The following SEC23A variants were observed in gnomAD, a reference collection of about 807,000 sequenced individuals.
SEC23A encodes protein transport protein Sec23A.
SEC23A carries 56 observed loss-of-function variants against 103.7 expected under a neutral mutation model. The observed-to-expected ratio is 0.54, with a 90% CI of 0.44 to 0.67. SEC23A has a LOEUF of 0.67. Ranked by LOEUF, SEC23A falls within the 30% of genes least tolerant of loss-of-function variation. SEC23A has a pLI of 0.00. For synonymous variants in SEC23A, 281 were observed against 293.0 expected (o/e 0.96, Z 0.42); for missense variants, 784 against 936.4 (o/e 0.84, Z 2.12).
chr14:39,064,631 G>A, intron 11 of SEC23A: 1 of 398,856 alleles, frequency 2.5e-6, no homozygotes, highest in African/African-American at 2.0e-5. Flanking sequence ...ATACCAATGG[G>A]AGCTGAACTA....
intron 18 of SEC23A, 104 bp from the exon 19 acceptor site, chr14:39,039,200 G>A (rs938610438): frequency 2.0e-5 from 18 of 921,658 alleles, no homozygotes; most frequent in Non-Finnish European, 2.4e-5. Flanking sequence ...GTATGTGTTG[G>A]TAAAATTAAT....
At chr14:39,095,049 G>A in intron 2 of SEC23A, 1 of 688,860 alleles carries the variant, frequency 1.5e-6, no homozygotes, top group Non-Finnish European at 2.6e-6. Context: ...AGGGAGAGCA[G>A]GTAGGAGGAT....
chr14:39,091,284 T>C, intron 5 of SEC23A, 193 bp downstream of exon 5: 2 of 597,724 alleles, frequency 3.3e-6, no homozygotes, highest in Non-Finnish European at 5.9e-6. Flanking sequence ...AAGTGAAGGG[T>C]GTTTAATCTG....
chr14:39,075,859 T>C, intron 8 of SEC23A, 76 bp downstream of exon 8: 1 of 1,262,482 alleles, frequency 7.9e-7, no homozygotes, highest in Non-Finnish European at 1.2e-6. Context: ...TATCAAAAAC[T>C]ATTTGTATTC....
Position 39,095,985 on chromosome 14 carries a change from A to T in SEC23A, c.134T>A (p.Leu45Gln), listed in dbSNP as rs1887874325. 1 of 1,614,028 alleles carries T rather than the reference A, an allele frequency of 6.2e-7. No homozygotes were observed. The highest frequency in any genetic ancestry group is 1.7e-5 in the Admixed American group (1 of 60,002). Residue 45 changes from leucine (L) to glutamine (Q), a missense_variant, in exon 2 of 20, where the codon CTG (leucine) becomes CAG (glutamine). Coordinates refer to ENST00000307712, the MANE Select transcript of SEC23A (RefSeq NM_006364.4). ...AGGTGGTAAGTCAGGTCTCTCTTTCAGTGGTGTAAACAGGGCTGCCACAGG... is the reference window on the plus strand; with the variant it reads ...AGGTGGTAAGTCAGGTCTCTCTTTCTGTGGTGTAAACAGGGCTGCCACAGG... ...VVPVAALFTPLKERPDLPPIQ... is the reference protein window; with the variant it reads ...VVPVAALFTPQKERPDLPPIQ...
intron 1 of SEC23A, 22 bp from the exon 2 acceptor site, chr14:39,096,161 T>C: frequency 6.8e-7 from 1 of 1,460,114 alleles, no homozygotes; most frequent in Non-Finnish European, 9.6e-7. Context: ...TTTTAAAATA[T>C]TTTAAAATCC....
intron 19 of SEC23A, among the ~76,000 whole-genome samples, chr14:39,035,776 T>A (rs578235692): frequency 3.9e-5 from 6 of 152,226 alleles, no homozygotes; most frequent in Admixed American, 3.3e-4. Flanking sequence ...AAAATGAAAA[T>A]GACAGTTATT....
intron 7 of SEC23A, among the ~76,000 whole-genome samples, chr14:39,079,386 AT>A (rs1887141188): frequency 1.3e-5 from 2 of 152,200 alleles, no homozygotes; most frequent in Admixed American, 6.5e-5. Context: ...CACAATTAAT[AT>A]TTGTATTGTC....
intron 2 of SEC23A, 143 bp from the exon 3 acceptor site, chr14:39,093,387 G>T: frequency 1.6e-6 from 1 of 629,990 alleles, no homozygotes; most frequent in Non-Finnish European, 2.7e-6. Flanking sequence ...AAGCCATGTA[G>T]TTTTAGATAC....
intron 14 of SEC23A, among the ~76,000 whole-genome samples, chr14:39,050,149 A>AC (rs1030313345): frequency 2.0e-5 from 3 of 152,074 alleles, no homozygotes; most frequent in African/African-American, 7.2e-5. Flanking sequence ...TTACAACCCA[A>AC]CCAAAACACT....
At chr14:39,047,935 A>G (rs1885899594) in intron 15 of SEC23A, among the ~76,000 whole-genome samples, 1 of 152,156 alleles carries the variant, frequency 6.6e-6, no homozygotes, top group South Asian at 2.1e-4. Context: ...AAATGAGTTT[A>G]TTTTCTATTT....
chr14:39,049,835 C>G (rs1421830636), intron 14 of SEC23A, among the ~76,000 whole-genome samples: 2 of 151,608 alleles, frequency 1.3e-5, no homozygotes, highest in African/African-American at 4.8e-5. Context: ...CTCTGTCACC[C>G]AGGATGGAGT....
chr14:39,086,978 T>G lies in SEC23A; in HGVS notation c.634A>C (p.Thr212Pro), dbSNP rs746349707. The G allele has an allele frequency of 8.8e-6, 14 of 1,593,602 alleles. No individual in the cohort carries two copies. The highest frequency in any genetic ancestry group is 1.2e-5 in the Non-Finnish European group (14 of 1,161,384). The stretch of plus-strand genomic sequence containing the variant: ...ACCTGAGGACCACGTGTTGCTTGAG[T>G]AAGTGGTACTTTAGAGAGCCCCAGC... ...EMLGLSKVPL[T>P]QATRGPQVQQ... Residue 212 changes from threonine to proline, a missense_variant, in exon 6 of 20, where the codon ACT (threonine) becomes CCT (proline). Thr to Pro is a conservative substitution (Grantham distance 38, BLOSUM62 -1). Transcript: ENST00000307712.
intron 7 of SEC23A, among the ~76,000 whole-genome samples, chr14:39,084,675 GTTT>G (rs1010707367): frequency 1.5e-4 from 22 of 151,568 alleles, no homozygotes; most frequent in Admixed American, 1.2e-3. Context: ...TTTGTTTTTT[GTTT>G]TTGTTTTTTG....
At position 39,055,185 on chromosome 14, in the gene SEC23A, A is replaced by T. The variant is rs1170480773; in HGVS notation, c.1617T>A (p.Gly539=). Residue 539 remains glycine, a synonymous_variant, in exon 14 of 20, where the codon GGT becomes GGA. Transcript: ENST00000307712. ...LAIYRAETEE[G]PDVLRWLDRQ... is the part of the protein sequence containing the mutation. ...TGTCCAGCCACCTAAGCACATCTGGACCTTCTTCTGTTTCTGCTCTATATA... is the reference window on the plus strand; with the variant it reads ...TGTCCAGCCACCTAAGCACATCTGGTCCTTCTTCTGTTTCTGCTCTATATA... 13 of 1,614,086 alleles carry T rather than the reference A, an allele frequency of 8.1e-6. No homozygotes were observed. The highest frequency in any genetic ancestry group is 1.0e-5 in the Non-Finnish European group (12 of 1,180,050).
At position 39,095,988 on chromosome 14, in the gene SEC23A, G is replaced by T. The variant is rs1887874642; in HGVS notation, c.131C>A (p.Pro44Gln). The T allele has an allele frequency of 1.2e-6, 2 of 1,613,914 alleles. No homozygotes were observed. The highest frequency in any genetic ancestry group is 2.7e-5 in the African/African-American group (2 of 74,884). ...MVVPVAALFT[P>Q]LKERPDLPPI... ...TGGTAAGTCAGGTCTCTCTTTCAGT[G>T]GTGTAAACAGGGCTGCCACAGGAAC... The change falls in exon 2 of 20, where the codon CCA becomes CAA. Residue 44 changes from proline (P) to glutamine (Q), a missense_variant. By Grantham distance (76) the Pro-to-Gln change is moderately conservative. This residue lies in a region of SEC23A where 683 missense variants were observed against 774.2 expected (regional missense o/e 0.88). Transcript: ENST00000307712.
At chr14:39,096,677 A>G (rs1186058002) in intron 1 of SEC23A, among the ~76,000 whole-genome samples, 2 of 152,240 alleles carry the variant, frequency 1.3e-5, no homozygotes, top group African/African-American at 2.4e-5. Context: ...ACTCTAAAAG[A>G]TGATGGCAAA....
At chr14:39,097,115 T>C (rs1327714695) in intron 1 of SEC23A, among the ~76,000 whole-genome samples, 1 of 152,214 alleles carries the variant, frequency 6.6e-6, no homozygotes, top group East Asian at 1.9e-4. Context: ...ATTTGAGATA[T>C]AAAATTTCAG....
chr14:39,084,160 T>C (rs1594475282), intron 7 of SEC23A, among the ~76,000 whole-genome samples: 2 of 151,394 alleles, frequency 1.3e-5, no homozygotes, highest in Admixed American at 1.3e-4. Context: ...TAGCTGGGAT[T>C]ACAGGCATGC....
Sources: allele counts gnomAD v4.1 joint callset (sites outside exome capture counted in the v4.1 genomes callset), GRCh38; gene constraint gnomAD v4.1.1; regional missense constraint gnomAD v4.1.1; transcripts MANE v1.5; gene names NCBI Gene and HGNC (gene_info 2026-07-23, HGNC 2026-07-21).